Variants in SCML4 observed in about 807,000 individuals in gnomAD.
SCML4 encodes Scm polycomb group protein like 4, also known as sex comb on midleg-like protein 4.
In SCML4, 34 loss-of-function variants were observed where a neutral mutation model predicts 41.1. The ratio of observed to expected loss-of-function variants is 0.83; its 90% CI spans 0.63 to 1.10. The LOEUF (loss-of-function observed/expected upper bound fraction) is 1.10. Among genes scored for constraint, SCML4 ranks in the 50% least tolerant of loss-of-function variants. The pLI is 0.00. For synonymous variants in SCML4, 214 were observed against 220.9 expected (o/e 0.97, Z 0.28); for missense variants, 522 against 534.1 (o/e 0.98, Z 0.22).
chr6:107,739,684 A>G (rs1047867689), intron 5 of SCML4, among the ~76,000 whole-genome samples: 3 of 152,224 alleles, frequency 2.0e-5, no homozygotes, highest in African/African-American at 7.2e-5. Context: ...ATACAAATGC[A>G]TATGCCTTTC....
chr6:107,841,649 T>C, the SCML4 span, among the ~76,000 whole-genome samples: 1 of 152,210 alleles, frequency 6.6e-6, no homozygotes, highest in African/African-American at 2.4e-5. Flanking sequence ...GACAAATATA[T>C]GCAAAGTGCT....
intron 1 of SCML4, among the ~76,000 whole-genome samples, chr6:107,779,765 G>A (rs557625781): frequency 6.6e-6 from 1 of 152,212 alleles, no homozygotes; most frequent in Admixed American, 6.5e-5. Context: ...AGCTGCTTAG[G>A]GCTGTCTGTG....
At chr6:107,750,277 A>G (rs943723225) in intron 2 of SCML4, among the ~76,000 whole-genome samples, 4 of 152,234 alleles carry the variant, frequency 2.6e-5, no homozygotes, top group African/African-American at 9.6e-5. Flanking sequence ...AAAAGAGAGC[A>G]GGAGCCATTC....
chr6:107,729,139 T>A (rs1458566219), intron 5 of SCML4, among the ~76,000 whole-genome samples: 1 of 152,178 alleles, frequency 6.6e-6, no homozygotes, highest in Non-Finnish European at 1.5e-5. Context: ...GGTATATTCA[T>A]TTCCTAGGAT....
At chr6:107,806,298 G>C (rs998343777) in intron 1 of SCML4, among the ~76,000 whole-genome samples, 1 of 152,158 alleles carries the variant, frequency 6.6e-6, no homozygotes, top group African/African-American at 2.4e-5. Flanking sequence ...AGGCTTCCTG[G>C]AGGAGGTGAT....
chr6:107,746,629 G>T lies in SCML4; in HGVS notation c.487+60C>A, dbSNP rs867871502. On this transcript the variant is annotated intron_variant, in intron 4 of 7. Coordinates refer to ENST00000369020, the MANE Select transcript of SCML4 (RefSeq NM_198081.5). ...CCTGCTGTCTCCAGGCCTGAGTATG[G>T]CTGCTTCCTCTGCAGAGAGACATCC... 3.4e-5 allele frequency: 50 copies of T among 1,485,636 alleles called. No homozygotes were observed. In the Middle Eastern group the frequency reaches 2.4e-3, roughly 72 times the overall value. 92.0% of individuals were successfully genotyped at this position (1,485,636 alleles called of 1,614,324 possible).
chr6:107,801,717 G>A (rs995710581), intron 1 of SCML4, among the ~76,000 whole-genome samples: 4 of 152,170 alleles, frequency 2.6e-5, no homozygotes, highest in African/African-American at 9.7e-5. Context: ...TGTGGAATGG[G>A]GGTTAGCACA....
At chr6:107,813,372 A>G (rs1181262161) in intron 1 of SCML4, among the ~76,000 whole-genome samples, 1 of 11,224 alleles carries the variant, frequency 8.9e-5, no homozygotes. Flanking sequence ...CAAAAAAATT[A>G]TATATATATA....
chr6:107,832,860 A>C, the SCML4 span, among the ~76,000 whole-genome samples: 1 of 152,192 alleles, frequency 6.6e-6, no homozygotes, highest in Admixed American at 6.5e-5. Context: ...AATCTTCAGG[A>C]AGAGCCACAG....
In SCML4 at chr6:107,804,179, G is replaced by C. The variant is rs562113945; in HGVS notation, c.-60+19947C>G. Among the ~76,000 whole-genome samples, 3 of 152,112 alleles carry C rather than the reference G, an allele frequency of 2.0e-5. No homozygotes were observed. The South Asian group carries it at 6.2e-4, about 32-fold the overall frequency. On this transcript the variant is annotated intron_variant, in intron 1 of 7. Coordinates refer to ENST00000369020, the MANE Select transcript of SCML4 (RefSeq NM_198081.5). ...GACTCATTTAAAAAGGCTCACTCTG[G>C]CTGCTAGTTGGAGAGCACAGCTTTG...
intron 6 of SCML4, among the ~76,000 whole-genome samples, chr6:107,712,591 G>A (rs573755179): frequency 5.9e-5 from 9 of 152,268 alleles, no homozygotes; most frequent in Middle Eastern, 3.4e-3. Flanking sequence ...TGGCTCGGGC[G>A]TGTTTCTTAG....
the SCML4 span, among the ~76,000 whole-genome samples, chr6:107,843,344 C>T: frequency 6.6e-6 from 1 of 152,288 alleles, no homozygotes; most frequent in South Asian, 2.1e-4. Context: ...AGGCAGGAGA[C>T]TCCCAAAGAG....
At chr6:107,735,069 T>A (rs1175862976) in intron 5 of SCML4, among the ~76,000 whole-genome samples, 1 of 152,102 alleles carries the variant, frequency 6.6e-6, no homozygotes, top group Admixed American at 6.5e-5. Flanking sequence ...AGAGACACGG[T>A]TTCACCATGT....
At chr6:107,835,241 G>C in the SCML4 span, among the ~76,000 whole-genome samples, 1 of 152,004 alleles carries the variant, frequency 6.6e-6, no homozygotes, top group South Asian at 2.1e-4. Context: ...TGTGCCTGTA[G>C]TCCCAGCTAT....
At chr6:107,726,260 G>A (rs1484262626) in intron 5 of SCML4, among the ~76,000 whole-genome samples, 2 of 151,488 alleles carry the variant, frequency 1.3e-5, no homozygotes, top group East Asian at 2.0e-4. Context: ...TGGGCTGGGC[G>A]CGGTGGCTCA....
intron 6 of SCML4, among the ~76,000 whole-genome samples, chr6:107,711,479 G>A (rs140815694): frequency 3.3e-5 from 5 of 152,326 alleles, no homozygotes; most frequent in Admixed American, 6.5e-5. Flanking sequence ...GTACCACACC[G>A]CCTAGGTGTG....
At chr6:107,808,462 G>A (rs4946867) in intron 1 of SCML4, among the ~76,000 whole-genome samples, 137,549 of 152,054 alleles carry the variant, frequency 0.9, 63,639 homozygotes, top group Non-Finnish European at 1. Flanking sequence ...GGAGAGATGG[G>A]GGTCTCACCA....
At chr6:107,779,982 A>G (rs796741380) in intron 1 of SCML4, among the ~76,000 whole-genome samples, 14 of 152,350 alleles carry the variant, frequency 9.2e-5, no homozygotes, top group African/African-American at 3.4e-4. Context: ...TTTTGAACAC[A>G]TAAATGATAT....
chr6:107,843,589 C>T, the SCML4 span, among the ~76,000 whole-genome samples: 330 of 152,314 alleles, frequency 2.2e-3, 2 homozygotes, highest in African/African-American at 7.5e-3. Context: ...CACCCACCCA[C>T]ATCTTCATCA....
Sources: allele counts gnomAD v4.1 joint callset (sites outside exome capture counted in the v4.1 genomes callset), GRCh38; gene constraint gnomAD v4.1.1; transcripts MANE v1.5; gene names NCBI Gene and HGNC (gene_info 2026-07-23, HGNC 2026-07-21).